DCDC1: variants seen among roughly 807,000 people sequenced by gnomAD.
DCDC1 encodes doublecortin domain-containing protein 1.
A neutral mutation model predicts 178.3 loss-of-function variants in DCDC1; 200 were observed. The ratio of observed to expected loss-of-function variants is 1.12; its 90% CI spans 1.00 to 1.26. The LOEUF (loss-of-function observed/expected upper bound fraction) is 1.26, where lower values mean the gene tolerates loss of function less well. Ranked by LOEUF, DCDC1 falls within the 50% of genes most tolerant of loss-of-function variation. DCDC1 has a pLI of 0.00. For missense variants in DCDC1, 1,983 were observed against 1,749.2 expected (o/e 1.13, Z -2.38); for synonymous variants, 690 against 604.8 (o/e 1.14, Z -2.07).
chr11:31,080,183 GT>G lies in DCDC1; in HGVS notation c.2238-2259del, dbSNP rs142610363. 3.8e-3 allele frequency among the ~76,000 whole-genome samples: 580 copies of G among 152,150 alleles called. 35 individuals carry two copies. The East Asian group carries it at 0.1, about 27-fold the overall frequency. On this transcript the variant is annotated intron_variant, in intron 17 of 38. Coordinates refer to ENST00000684477, the MANE Select transcript of DCDC1 (RefSeq NM_001387274.1). Reference sequence around the variant, plus strand: ...CTTGGGGTCCAGAACTAAAATGATGGTTATGATAATAATGATTATCCAAGAA... The same window carrying G: ...CTTGGGGTCCAGAACTAAAATGATGGTATGATAATAATGATTATCCAAGAA...
At chr11:31,330,798 T>C (rs1949937633) in intron 2 of DCDC1, among the ~76,000 whole-genome samples, 1 of 152,214 alleles carries the variant, frequency 6.6e-6, no homozygotes, top group Non-Finnish European at 1.5e-5. Context: ...TTGGTTACTG[T>C]AGCCTTGTAG....
Position 31,057,248 on chromosome 11 carries a change from A to AAAGG in DCDC1, c.2591+7217_2591+7220dup, listed in dbSNP as rs568316390. ...GATTCTATCTCGAAAGAAAGAAAAG[A>AAAGG]AAGGAAGGAAGGAAGGAAGGGAGGG... On this transcript the variant is annotated intron_variant, in intron 20 of 38. Transcript: ENST00000684477. Among the ~76,000 whole-genome samples the AAAGG allele has an allele frequency of 6.2e-4, 85 of 138,072 alleles. No homozygotes were observed. In the South Asian group the frequency reaches 0.012, roughly 19 times the overall value. The allele number at this position is 138,072 out of a possible 152,430, so 90.6% of individuals were successfully genotyped here.
At chr11:31,227,378 G>C (rs981138115) in intron 9 of DCDC1, among the ~76,000 whole-genome samples, 1 of 151,974 alleles carries the variant, frequency 6.6e-6, no homozygotes, top group Non-Finnish European at 1.5e-5. Flanking sequence ...AAACAACCAG[G>C]TCTCACGTGA....
Position 31,357,241 on chromosome 11 carries a change from G to C in DCDC1, c.-125+12456C>G, listed in dbSNP as rs564920960. 1.1e-3 allele frequency among the ~76,000 whole-genome samples: 161 copies of C among 152,012 alleles called. 3 individuals are homozygous for C. The highest frequency in any genetic ancestry group is 3.1e-4 in the Non-Finnish European group (21 of 67,982). ...GCACATCAAAAAGCTTATCCACCAT[G>C]ATCAAGTGGGCTTCATCCCTGGGAT... On this transcript the variant is annotated intron_variant, in intron 1 of 38. Transcript: ENST00000684477.
intron 1 of DCDC1, among the ~76,000 whole-genome samples, chr11:31,340,592 T>C (rs1950495284): frequency 6.6e-6 from 1 of 152,306 alleles, no homozygotes; most frequent in South Asian, 2.1e-4. Flanking sequence ...GAGATTAACA[T>C]TTAAATGTGT....
intron 6 of DCDC1, among the ~76,000 whole-genome samples, chr11:31,294,850 G>GA (rs1415353812): frequency 8.0e-6 from 1 of 124,434 alleles, no homozygotes; most frequent in African/African-American, 2.9e-5. Context: ...AAGAAAGAAA[G>GA]AAAGAAAGAA....
intron 20 of DCDC1, among the ~76,000 whole-genome samples, chr11:31,000,722 A>T (rs1951522820): frequency 6.6e-6 from 1 of 151,724 alleles, no homozygotes. Context: ...TTTTTCTAAT[A>T]CTATGTTTAA....
At chr11:31,251,765 T>G (rs1408928798) in intron 8 of DCDC1, among the ~76,000 whole-genome samples, 1 of 152,002 alleles carries the variant, frequency 6.6e-6, no homozygotes, top group Non-Finnish European at 1.5e-5. Context: ...AATAAAGACC[T>G]TAACATAAGT....
intron 23 of DCDC1, among the ~76,000 whole-genome samples, chr11:30,924,931 G>C (rs1049919098): frequency 6.6e-6 from 1 of 152,060 alleles, no homozygotes; most frequent in Non-Finnish European, 1.5e-5. Flanking sequence ...AAATCAGCTA[G>C]GCATAGTGGC....
chr11:30,963,147 C>G (rs1449053461), intron 20 of DCDC1, among the ~76,000 whole-genome samples: 1 of 152,118 alleles, frequency 6.6e-6, no homozygotes, highest in Non-Finnish European at 1.5e-5. Flanking sequence ...CTTGCTGTCT[C>G]TCCCCAGCAC....
intron 6 of DCDC1, among the ~76,000 whole-genome samples, chr11:31,293,817 T>A (rs1275495809): frequency 6.6e-6 from 1 of 152,188 alleles, no homozygotes; most frequent in Admixed American, 6.5e-5. Context: ...CACTGGGACA[T>A]GAATTTAGTT....
chr11:31,063,787 T>C (rs1357058281), intron 20 of DCDC1, among the ~76,000 whole-genome samples: 1 of 152,124 alleles, frequency 6.6e-6, no homozygotes, highest in Non-Finnish European at 1.5e-5. Context: ...ATGATAAGAA[T>C]TATATGGCTC....
chr11:31,199,069 T>A (rs1433371203), intron 9 of DCDC1, among the ~76,000 whole-genome samples: 1 of 152,002 alleles, frequency 6.6e-6, no homozygotes, highest in Non-Finnish European at 1.5e-5. Context: ...TCAAGCAAAA[T>A]ATGATAGCAA....
intron 6 of DCDC1, among the ~76,000 whole-genome samples, chr11:31,294,608 G>A (rs1406511822): frequency 2.7e-5 from 1 of 36,450 alleles, no homozygotes; most frequent in East Asian, 1.3e-3. Context: ...GGGGAGGGGA[G>A]GGGAGGGGAG....
rs147843436 is a variant in DCDC1 at position 31,210,347 on chromosome 11, G to A, written c.1221+31103C>T. 1.3e-4 allele frequency among the ~76,000 whole-genome samples: 20 copies of A among 152,292 alleles called. No individual in the cohort carries two copies. In the East Asian group the frequency reaches 3.5e-3, roughly 26 times the overall value. ...CCTGTGTGAGTCCCAAAGTAGGTAC[G>A]AAAGGAATGTTTATTGACTGAATGA... On this transcript the variant is annotated intron_variant, in intron 9 of 38. Coordinates refer to ENST00000684477, the MANE Select transcript of DCDC1 (RefSeq NM_001387274.1).
At chr11:31,009,349 A>C (rs2135101675) in intron 20 of DCDC1, among the ~76,000 whole-genome samples, 1 of 152,280 alleles carries the variant, frequency 6.6e-6, no homozygotes, top group Non-Finnish European at 1.5e-5. Context: ...ATGGCCTCAA[A>C]GATATATTAG....
At chr11:31,307,527 G>A (rs1948533916) in intron 4 of DCDC1, 112 bp downstream of exon 4, 3 of 1,401,336 alleles carry the variant, frequency 2.1e-6, no homozygotes, top group Non-Finnish European at 2.9e-6. Flanking sequence ...CAAAACCCGA[G>A]AGATGTGTTA....
At chr11:31,270,621 C>T (rs1287424478) in intron 7 of DCDC1, among the ~76,000 whole-genome samples, 1 of 152,200 alleles carries the variant, frequency 6.6e-6, no homozygotes, top group African/African-American at 2.4e-5. Flanking sequence ...AGGTCACTAA[C>T]TTCTTCAAAG....
At chr11:31,128,618 T>C (rs1961984965) in intron 10 of DCDC1, among the ~76,000 whole-genome samples, 3 of 152,262 alleles carry the variant, frequency 2.0e-5, no homozygotes, top group Middle Eastern at 3.4e-3. Flanking sequence ...TGAGTAAGTT[T>C]GAATAGAGCA....
Sources: allele counts gnomAD v4.1 joint callset (sites outside exome capture counted in the v4.1 genomes callset), GRCh38; gene constraint gnomAD v4.1.1; transcripts MANE v1.5; gene names NCBI Gene and HGNC (gene_info 2026-07-23, HGNC 2026-07-21).